Variants in ESRRG observed in about 807,000 individuals in gnomAD.
ESRRG encodes estrogen related receptor gamma.
Under a neutral mutation model 44.0 loss-of-function variants are expected in ESRRG, and 13 were observed. The observed-to-expected ratio is 0.30, with a 90% CI of 0.19 to 0.47. The LOEUF is 0.47. Ranked by LOEUF, ESRRG falls within the 20% of genes least tolerant of loss-of-function variation. ESRRG has a pLI of 1.00. For missense variants in ESRRG, 395 were observed against 580.6 expected (o/e 0.68, Z 3.29); for synonymous variants, 215 against 214.6 (o/e 1.00, Z -0.02).
At position 217,106,387 on chromosome 1, in the gene ESRRG, C is replaced by T. The variant is rs1276277977; in HGVS notation, c.-230+31280G>A. On this transcript the variant is annotated intron_variant, in intron 1 of 8. Transcript: ENST00000366940. The stretch of plus-strand genomic sequence containing the variant: ...ACACATACATCTATTCACACACTCA[C>T]ATATGCACACACACACACACACACA... Among the ~76,000 whole-genome samples, 11 of 136,170 alleles carry T rather than the reference C, an allele frequency of 8.1e-5. No individual in the cohort carries two copies. In the East Asian group the frequency reaches 2.5e-3, roughly 31 times the overall value. The allele number at this position is 136,170 out of a possible 152,430, so 89.3% of individuals were successfully genotyped here. A position where few individuals can be genotyped will look rare whatever the true frequency, so the allele number is the denominator to read the frequency against.
At chr1:216,647,858 G>C (rs2151007364) in intron 3 of ESRRG, among the ~76,000 whole-genome samples, 2 of 152,198 alleles carry the variant, frequency 1.3e-5, no homozygotes, top group East Asian at 3.8e-4. Context: ...TGTTAAAGGA[G>C]AGAAAGTTCC....
intron 1 of ESRRG, among the ~76,000 whole-genome samples, chr1:216,721,306 C>A (rs1442038421): frequency 6.6e-6 from 1 of 152,196 alleles, no homozygotes; most frequent in Non-Finnish European, 1.5e-5. Flanking sequence ...TGTGTATACA[C>A]ACACGTGATG....
chr1:216,753,528 C>G (rs539388636), intron 2 of ESRRG, among the ~76,000 whole-genome samples: 10 of 152,236 alleles, frequency 6.6e-5, no homozygotes, highest in Admixed American at 6.6e-4. Context: ...CAAACTAATA[C>G]TGCTATTGCT....
intron 3 of ESRRG, among the ~76,000 whole-genome samples, chr1:216,603,373 T>C (rs986479225): frequency 2.0e-5 from 3 of 152,210 alleles, no homozygotes; most frequent in Non-Finnish European, 2.9e-5. Context: ...TGAAGTAGCA[T>C]GCAAATATTT....
chr1:216,658,360 C>A (rs957510914), intron 2 of ESRRG, among the ~76,000 whole-genome samples: 8 of 152,184 alleles, frequency 5.3e-5, no homozygotes, highest in African/African-American at 1.7e-4. Flanking sequence ...TAAACATGGG[C>A]ATTCCTTTAT....
intron 2 of ESRRG, among the ~76,000 whole-genome samples, chr1:216,853,626 ATC>A (rs2095873105): frequency 1.3e-5 from 2 of 152,142 alleles, no homozygotes; most frequent in Non-Finnish European, 2.9e-5. Context: ...CACTCAGTGT[ATC>A]CACCCATCAC....
intron 2 of ESRRG, among the ~76,000 whole-genome samples, chr1:216,833,071 A>G (rs2095511367): frequency 6.6e-6 from 1 of 152,146 alleles, no homozygotes; most frequent in Non-Finnish European, 1.5e-5. Flanking sequence ...ATTTAGGAGA[A>G]TTACAGCAGT....
chr1:216,964,556 T>G (rs948747688), intron 1 of ESRRG, among the ~76,000 whole-genome samples: 1 of 152,084 alleles, frequency 6.6e-6, no homozygotes, highest in South Asian at 2.1e-4. Context: ...TAAAATGGAA[T>G]GAGTGTATAG....
At chr1:217,087,566 C>T (rs1230439820) in intron 1 of ESRRG, among the ~76,000 whole-genome samples, 1 of 152,120 alleles carries the variant, frequency 6.6e-6, no homozygotes, top group Non-Finnish European at 1.5e-5. Context: ...CCAGGCAATT[C>T]CCGGTAAAGA....
At chr1:216,624,898 G>T (rs998506568) in intron 3 of ESRRG, among the ~76,000 whole-genome samples, 1 of 152,034 alleles carries the variant, frequency 6.6e-6, no homozygotes, top group African/African-American at 2.4e-5. Flanking sequence ...CTTCTCATCC[G>T]AGTTTCTACT....
chr1:217,125,424 T>C (rs987037325), intron 1 of ESRRG, among the ~76,000 whole-genome samples: 8 of 152,214 alleles, frequency 5.3e-5, no homozygotes, highest in African/African-American at 1.9e-4. Context: ...ATCCATTGTT[T>C]CACAAATGTA....
chr1:216,856,397 C>T (rs187335975), intron 2 of ESRRG, among the ~76,000 whole-genome samples: 2,109 of 125,488 alleles, frequency 0.017, 26 homozygotes, highest in Middle Eastern at 0.025. Flanking sequence ...ACACTTGGAA[C>T]GAACAGAAGC....
chr1:216,685,293 A>C (rs2077725556), intron 1 of ESRRG, among the ~76,000 whole-genome samples: 1 of 152,186 alleles, frequency 6.6e-6, no homozygotes, highest in South Asian at 2.1e-4. Context: ...TGAAGCTTAC[A>C]ATATATGCTG....
chr1:216,693,472 TG>T (rs1371476965), intron 1 of ESRRG, among the ~76,000 whole-genome samples: 3 of 152,156 alleles, frequency 2.0e-5, no homozygotes, highest in African/African-American at 4.8e-5. Flanking sequence ...TCAGTATCCA[TG>T]GGGGATTCAT....
chr1:216,729,287 A>G (rs1035282177), intron 2 of ESRRG, among the ~76,000 whole-genome samples: 1 of 152,166 alleles, frequency 6.6e-6, no homozygotes, highest in African/African-American at 2.4e-5. Context: ...ACCTTCTTAC[A>G]CCCTCAATAG....
intron 1 of ESRRG, among the ~76,000 whole-genome samples, chr1:216,713,867 T>C (rs929556392): frequency 1.3e-5 from 2 of 152,230 alleles, no homozygotes; most frequent in Non-Finnish European, 2.9e-5. Context: ...GAAGTGATTA[T>C]TCTTTTCTTA....
chr1:216,575,119 TGA>T (rs2061461871), intron 3 of ESRRG, among the ~76,000 whole-genome samples: 1 of 152,094 alleles, frequency 6.6e-6, no homozygotes, highest in Non-Finnish European at 1.5e-5. Context: ...GACAATATCC[TGA>T]GAGAGTGTAC....
chr1:216,759,611 A>G (rs897799837), intron 2 of ESRRG, among the ~76,000 whole-genome samples: 1 of 152,146 alleles, frequency 6.6e-6, no homozygotes, highest in Non-Finnish European at 1.5e-5. Flanking sequence ...CTTACATAGT[A>G]TTGAGTAGCC....
At chr1:216,739,215 A>T (rs1381304154) in intron 2 of ESRRG, among the ~76,000 whole-genome samples, 1 of 151,966 alleles carries the variant, frequency 6.6e-6, no homozygotes, top group Non-Finnish European at 1.5e-5. Context: ...AATAATCCCG[A>T]CACTGAGAGA....
Sources: gnomAD v4.1 joint callset for allele counts (sites outside exome capture counted in the v4.1 genomes callset) on GRCh38, gnomAD v4.1.1 for gene constraint, MANE v1.5 for transcripts, NCBI Gene and HGNC (gene_info 2026-07-23, HGNC 2026-07-21) for gene names.